Variants in NEBL observed in about 807,000 individuals in gnomAD.
NEBL encodes the protein nebulette.
NEBL carries 122 observed loss-of-function variants against 140.2 expected under a neutral mutation model. The ratio of observed to expected loss-of-function variants is 0.87; its 90% CI spans 0.75 to 1.01. The LOEUF (loss-of-function observed/expected upper bound fraction) is 1.01. Ranked by LOEUF, NEBL falls within the 50% of genes least tolerant of loss-of-function variation. The pLI is 0.00. For synonymous variants in NEBL, 436 were observed against 398.9 expected (o/e 1.09, Z -1.11); for missense variants, 1,365 against 1,231.3 (o/e 1.11, Z -1.62).
At chr10:21,229,972 T>G (rs559277834) in intron 3 of NEBL, among the ~76,000 whole-genome samples, 1 of 152,364 alleles carries the variant, frequency 6.6e-6, no homozygotes, top group Admixed American at 6.5e-5. Flanking sequence ...ACTCCGCTAA[T>G]GTAGTTGGCA....
rs916606087 is a variant in NEBL at position 20,817,606 on chromosome 10, G to C, written c.2142C>G (p.Ile714Met). Residue 714 changes from isoleucine to methionine, a missense_variant, in exon 21 of 28, where the codon ATC (isoleucine) becomes ATG (methionine). Physicochemically the swap from Ile to Met is conservative, Grantham distance 10. Coordinates refer to ENST00000377122, the MANE Select transcript of NEBL (RefSeq NM_006393.3). The part of the protein sequence containing the change: ...LKRAKENQKN[I>M]SNVYYRGQLG... Reference sequence around the variant, plus strand: ...GTTACTAAGATGATCACACATTGCTGATGTTTTTCTGGTTTTCTTTTGCCC... The same window carrying C: ...GTTACTAAGATGATCACACATTGCTCATGTTTTTCTGGTTTTCTTTTGCCC... 1 of 1,610,942 alleles carries C rather than the reference G, an allele frequency of 6.2e-7. No homozygotes were observed. Among genetic ancestry groups the C allele is most frequent in the Admixed American group, 1.7e-5 (1 of 60,018 alleles).
rs553720689 is a variant in NEBL, at chr10:20,910,343, C to T, written c.357+51329G>A. Among the ~76,000 whole-genome samples, 3 of 152,164 alleles carry T rather than the reference C, an allele frequency of 2.0e-5. No individual in the cohort carries two copies. The East Asian group carries it at 5.8e-4, about 29-fold the overall frequency. On this transcript the variant is annotated intron_variant, in intron 4 of 6. Coordinates refer to the NEBL transcript ENST00000417816. The stretch of plus-strand genomic sequence containing the variant: ...ATAACTAACTCATGAGCTATTTAAT[C>T]ATGTAGCTTCCACTTAAGTTCCTTA...
rs552598915 is a variant in NEBL, at chr10:21,200,502, T to TG, written n.349-28026dup. ...CTAACTTTTGTATTTTTAATAGAGA[T>TG]GGGGTTTCACCATATTGGTCAGGCT... On this transcript the variant is annotated intron_variant and non_coding_transcript_variant, in intron 3 of 8. Coordinates refer to the NEBL transcript ENST00000675702. 2.4e-3 allele frequency among the ~76,000 whole-genome samples: 370 copies of TG among 152,016 alleles called. 1 individual carries two copies. Among genetic ancestry groups the TG allele is most frequent in the African/African-American group, 8.5e-3 (353 of 41,492 alleles).
intron 2 of NEBL, among the ~76,000 whole-genome samples, chr10:21,111,359 G>C (rs1324349384): frequency 6.6e-6 from 1 of 151,862 alleles, no homozygotes; most frequent in East Asian, 1.9e-4. Flanking sequence ...CAAGGCTACA[G>C]TAAAAACAGG....
At chr10:21,146,653 G>C in intron 2 of NEBL, 1 of 595,128 alleles carries the variant, frequency 1.7e-6, no homozygotes, top group African/African-American at 1.9e-5. Flanking sequence ...GACTGATTAT[G>C]AGATGCTCTG....
intron 3 of NEBL, among the ~76,000 whole-genome samples, chr10:20,998,991 T>G (rs1283370373): frequency 6.6e-6 from 1 of 152,146 alleles, no homozygotes; most frequent in Non-Finnish European, 1.5e-5. Flanking sequence ...GTGTTCAGGG[T>G]TAGGCAAGGC....
Position 21,279,021 on chromosome 10 carries a change from A to G in NEBL, n.182+13809T>C, listed in dbSNP as rs540482026. Among the ~76,000 whole-genome samples, 3 of 152,292 alleles carry G rather than the reference A, an allele frequency of 2.0e-5. No homozygotes were observed. The East Asian group carries it at 5.8e-4, about 29-fold the overall frequency. ...GCCATGAAGAAAGATCACAGCTACA[A>G]CAAGCATGTCTTATGTGTGTACTGT... On this transcript the variant is annotated intron_variant and non_coding_transcript_variant, in intron 1 of 8. Coordinates refer to the NEBL transcript ENST00000675702.
chr10:20,799,018 A>G (rs1429047239), intron 26 of NEBL, among the ~76,000 whole-genome samples: 1 of 152,240 alleles, frequency 6.6e-6, no homozygotes, highest in Non-Finnish European at 1.5e-5. Flanking sequence ...ATACTTGCGA[A>G]CAATGTACAA....
At chr10:20,847,156 T>C (rs1842025328) in intron 11 of NEBL, among the ~76,000 whole-genome samples, 2 of 152,166 alleles carry the variant, frequency 1.3e-5, no homozygotes, top group Non-Finnish European at 2.9e-5. Flanking sequence ...ACCTACTTCA[T>C]CAGTCCTATA....
chr10:21,144,201 G>A (rs1839778555), intron 2 of NEBL, among the ~76,000 whole-genome samples: 1 of 152,228 alleles, frequency 6.6e-6, no homozygotes, highest in East Asian at 1.9e-4. Context: ...CAAAGACACA[G>A]TCATTGCCCT....
Position 20,787,287 on chromosome 10 carries a change from T to C in NEBL, c.2783A>G (p.Tyr928Cys). The C allele has an allele frequency of 6.2e-7, 1 of 1,613,318 alleles. No homozygotes were observed. The highest frequency in any genetic ancestry group is 8.5e-7 in the Non-Finnish European group (1 of 1,179,608). The change falls in exon 27 of 28, where the codon TAT becomes TGT. Residue 928 changes from tyrosine (Y) to cysteine (C), a missense_variant. Tyr to Cys is a radical substitution (Grantham distance 194, BLOSUM62 -2). Around this residue, in one of 2 missense-constraint regions of NEBL, gnomAD observed 1,323 missense variants for 1,154.8 expected, o/e 1.15. Transcript: ENST00000377122. ...ATAGCCTTGGGAATGGCTTTGCTGATAGGCTCCGGGAAGAACAGGTGCTGC... is the reference window on the plus strand; with the variant it reads ...ATAGCCTTGGGAATGGCTTTGCTGACAGGCTCCGGGAAGAACAGGTGCTGC... The part of the protein sequence containing the change: ...DEGAPVLPGA[Y>C]QQSHSQGYGY...
At chr10:20,968,337 T>C (rs1404897177) in intron 3 of NEBL, among the ~76,000 whole-genome samples, 1 of 149,740 alleles carries the variant, frequency 6.7e-6, no homozygotes, top group African/African-American at 2.5e-5. Flanking sequence ...AGGCCCCATC[T>C]CTTAAAAAAA....
upstream of NEBL, among the ~76,000 whole-genome samples, chr10:21,175,468 C>T (rs1468298990): frequency 6.6e-6 from 1 of 152,232 alleles, no homozygotes. Context: ...CACATACCAA[C>T]TGCCACTGCT....
intron 2 of NEBL, 141 bp downstream of exon 2, chr10:20,896,817 C>G (rs967393252): frequency 7.4e-6 from 6 of 808,574 alleles, no homozygotes; most frequent in Non-Finnish European, 1.3e-5. Flanking sequence ...CTGAAAATTT[C>G]AGGACTTTGT....
chr10:21,157,334 C>T (rs986433584), intron 2 of NEBL, among the ~76,000 whole-genome samples: 1 of 152,070 alleles, frequency 6.6e-6, no homozygotes, highest in Non-Finnish European at 1.5e-5. Context: ...CTTTGGGAGG[C>T]CGAGGTGGGT....
intron 2 of NEBL, among the ~76,000 whole-genome samples, chr10:21,107,349 C>A (rs1311470889): frequency 6.6e-6 from 1 of 152,088 alleles, no homozygotes; most frequent in Admixed American, 6.6e-5. Flanking sequence ...TCCATCAATA[C>A]CTAGTTTATT....
intron 2 of NEBL, among the ~76,000 whole-genome samples, chr10:21,052,639 G>C (rs1323645070): frequency 2.0e-5 from 3 of 152,176 alleles, no homozygotes; most frequent in Admixed American, 6.5e-5. Flanking sequence ...CTAAAACCAA[G>C]ATTAAATGGC....
At chr10:20,906,878 C>T (rs1042309093) in intron 4 of NEBL, among the ~76,000 whole-genome samples, 5 of 148,934 alleles carry the variant, frequency 3.4e-5, no homozygotes, top group Non-Finnish European at 7.6e-5. Flanking sequence ...TTCAATCATA[C>T]ATTCATTTAT....
chr10:21,000,730 G>A (rs1319349690), intron 3 of NEBL, among the ~76,000 whole-genome samples: 1 of 152,160 alleles, frequency 6.6e-6, no homozygotes, highest in Non-Finnish European at 1.5e-5. Context: ...GACAAAGTGA[G>A]CAAAAGACTG....
Sources: allele counts gnomAD v4.1 joint callset (sites outside exome capture counted in the v4.1 genomes callset), GRCh38; gene constraint gnomAD v4.1.1; regional missense constraint gnomAD v4.1.1; transcripts MANE v1.5; gene names NCBI Gene and HGNC (gene_info 2026-07-23, HGNC 2026-07-21).